NRXN1: variants seen among roughly 807,000 people sequenced by gnomAD.
NRXN1 encodes the protein neurexin 1.
In NRXN1, 39 loss-of-function variants were observed where a neutral mutation model predicts 150.9. That is an observed-to-expected ratio of 0.26 (90% CI 0.20 to 0.34). The LOEUF is 0.34. Among genes scored for constraint, NRXN1 ranks in the 10% least tolerant of loss-of-function variants. The pLI is 1.00. For missense variants in NRXN1, 1,815 were observed against 1,949.9 expected (o/e 0.93, Z 1.30); for synonymous variants, 924 against 757.0 (o/e 1.22, Z -3.62).
At chr2:50,550,201 C>A (rs1667230977) in intron 9 of NRXN1, among the ~76,000 whole-genome samples, 2 of 151,672 alleles carry the variant, frequency 1.3e-5, no homozygotes, top group South Asian at 4.2e-4. Flanking sequence ...CAGAAGATAA[C>A]CGTCTAATCT....
chr2:50,084,507 G>C (rs1698498376), intron 19 of NRXN1, among the ~76,000 whole-genome samples: 1 of 152,174 alleles, frequency 6.6e-6, no homozygotes, highest in South Asian at 2.1e-4. Flanking sequence ...TGCAAGTGCA[G>C]GGCCCACCAA....
At chr2:50,936,405 T>C (rs968778310) in intron 2 of NRXN1, among the ~76,000 whole-genome samples, 4 of 152,136 alleles carry the variant, frequency 2.6e-5, no homozygotes, top group Non-Finnish European at 5.9e-5. Context: ...GAAAACACAC[T>C]TTTACATAAA....
intron 5 of NRXN1, among the ~76,000 whole-genome samples, chr2:50,921,271 C>A (rs1297343935): frequency 1.3e-5 from 2 of 151,680 alleles, no homozygotes; most frequent in African/African-American, 4.8e-5. Context: ...GCCTGACTTA[C>A]CAAGCAATGC....
At chr2:50,407,608 C>A (rs1278910239) in intron 17 of NRXN1, among the ~76,000 whole-genome samples, 1 of 152,010 alleles carries the variant, frequency 6.6e-6, no homozygotes, top group Non-Finnish European at 1.5e-5. Flanking sequence ...GTTAATCCAT[C>A]TGTGGATTAA....
chr2:50,693,953 G>A (rs1221637429), intron 5 of NRXN1, among the ~76,000 whole-genome samples: 1 of 151,682 alleles, frequency 6.6e-6, no homozygotes, highest in African/African-American at 2.4e-5. Flanking sequence ...TACCATGGTC[G>A]GCTAATTGTT....
chr2:50,768,522 G>C (rs1264528901), intron 5 of NRXN1, among the ~76,000 whole-genome samples: 17 of 151,368 alleles, frequency 1.1e-4, no homozygotes, highest in Non-Finnish European at 1.5e-5. Context: ...GCAGAGGCTG[G>C]TCCTGAACTC....
At chr2:50,968,139 T>C (rs888849767) in intron 2 of NRXN1, among the ~76,000 whole-genome samples, 4 of 152,028 alleles carry the variant, frequency 2.6e-5, no homozygotes, top group Non-Finnish European at 5.9e-5. Context: ...GGCAAAACTT[T>C]TCAGAAAGTT....
At chr2:50,123,324 A>G (rs1704122411) in intron 18 of NRXN1, among the ~76,000 whole-genome samples, 1 of 152,176 alleles carries the variant, frequency 6.6e-6, no homozygotes, top group Non-Finnish European at 1.5e-5. Context: ...GGAGGTAACG[A>G]ACCATGTTAA....
At chr2:50,177,960 T>G (rs2067661815) in intron 18 of NRXN1, among the ~76,000 whole-genome samples, 1 of 151,960 alleles carries the variant, frequency 6.6e-6, no homozygotes, top group South Asian at 2.1e-4. Flanking sequence ...ATCATTGACT[T>G]GAGTTCTAGT....
At chr2:50,045,427 C>A (rs1273349409) in intron 21 of NRXN1, among the ~76,000 whole-genome samples, 1 of 152,166 alleles carries the variant, frequency 6.6e-6, no homozygotes, top group African/African-American at 2.4e-5. Flanking sequence ...ACTGCAACCT[C>A]CGCCTCCGCC....
intron 2 of NRXN1, among the ~76,000 whole-genome samples, chr2:50,962,657 G>A (rs949285428): frequency 6.6e-6 from 1 of 151,538 alleles, no homozygotes; most frequent in Admixed American, 6.6e-5. Context: ...TTAACTATTA[G>A]TTTTGCCTCT....
intron 5 of NRXN1, among the ~76,000 whole-genome samples, chr2:50,644,985 T>A (rs1221248158): frequency 6.6e-6 from 1 of 151,972 alleles, no homozygotes; most frequent in East Asian, 1.9e-4. Flanking sequence ...TTCAGTTTGA[T>A]CTTGCATATC....
chr2:50,697,442 G>C (rs1349883359), intron 5 of NRXN1, among the ~76,000 whole-genome samples: 2 of 152,182 alleles, frequency 1.3e-5, no homozygotes, highest in Non-Finnish European at 2.9e-5. Flanking sequence ...TGACAAGTTA[G>C]AGAAATGGTC....
At chr2:50,423,061 C>T (rs2084125366) in intron 17 of NRXN1, among the ~76,000 whole-genome samples, 1 of 152,176 alleles carries the variant, frequency 6.6e-6, no homozygotes, top group African/African-American at 2.4e-5. Flanking sequence ...TTTCAGTCTA[C>T]TAGCTCACAA....
intron 21 of NRXN1, among the ~76,000 whole-genome samples, chr2:50,053,063 T>G (rs997958984): frequency 6.6e-6 from 1 of 152,056 alleles, no homozygotes; most frequent in Non-Finnish European, 1.5e-5. Context: ...CAAAACAAAA[T>G]CTTTTGTAAA....
chr2:50,334,791 G>C (rs1428066158), intron 17 of NRXN1, among the ~76,000 whole-genome samples: 1 of 152,116 alleles, frequency 6.6e-6, no homozygotes, highest in Admixed American at 6.5e-5. Flanking sequence ...CAAGTTATGT[G>C]GTTTCATAGA....
intron 22 of NRXN1, among the ~76,000 whole-genome samples, chr2:49,936,186 A>T (rs1353961533): frequency 1.3e-5 from 2 of 152,224 alleles, no homozygotes; most frequent in Non-Finnish European, 2.9e-5. Context: ...GCTTAATCTC[A>T]CTTAGCAAAC....
intron 2 of NRXN1, among the ~76,000 whole-genome samples, chr2:50,987,092 G>C (rs150985913): frequency 1.1e-4 from 16 of 151,602 alleles, no homozygotes; most frequent in African/African-American, 3.9e-4. Flanking sequence ...TTAAACAAGA[G>C]GAGAAAACTT....
At chr2:50,566,707 T>G (rs1164078917) in intron 8 of NRXN1, among the ~76,000 whole-genome samples, 1 of 152,192 alleles carries the variant, frequency 6.6e-6, no homozygotes, top group Non-Finnish European at 1.5e-5. Context: ...AGAATTTAAG[T>G]ATTTTGTCCA....
Sources: gnomAD v4.1 joint callset for allele counts (sites outside exome capture counted in the v4.1 genomes callset) on GRCh38, gnomAD v4.1.1 for gene constraint, MANE v1.5 for transcripts, NCBI Gene and HGNC (gene_info 2026-07-23, HGNC 2026-07-21) for gene names.